NRG3: variants seen among roughly 807,000 people sequenced by gnomAD.
The protein encoded by NRG3 is pro-neuregulin-3, membrane-bound isoform.
Under a neutral mutation model 66.9 loss-of-function variants are expected in NRG3, and 31 were observed. The ratio of observed to expected loss-of-function variants is 0.46; its 90% CI spans 0.35 to 0.63. The LOEUF (loss-of-function observed/expected upper bound fraction) is 0.63, where lower values mean the gene tolerates loss of function less well. NRG3 is among the 20% of genes least tolerant of loss of function. The pLI, the probability that NRG3 is intolerant of heterozygous loss-of-function variation, is 0.00. For synonymous variants in NRG3, 393 were observed against 359.4 expected, an observed-to-expected ratio of 1.09 and a Z score of -1.06; for missense variants, 910 against 878.9, an observed-to-expected ratio of 1.04 and a Z score of -0.45.
intron 3 of NRG3, among the ~76,000 whole-genome samples, chr10:82,850,816 T>C (rs186864696): frequency 6.0e-4 from 92 of 152,242 alleles, no homozygotes; most frequent in African/African-American, 1.8e-3. Flanking sequence ...TTTTGAAATA[T>C]AGTAAGTTAA....
At chr10:82,116,192 G>C (rs889288128) in intron 1 of NRG3, among the ~76,000 whole-genome samples, 1 of 152,012 alleles carries the variant, frequency 6.6e-6, no homozygotes, top group East Asian at 1.9e-4. Context: ...GTTAGATCCA[G>C]GTGGATTTGA....
At chr10:82,001,445 G>A (rs2061163704) in intron 1 of NRG3, among the ~76,000 whole-genome samples, 1 of 152,006 alleles carries the variant, frequency 6.6e-6, no homozygotes, top group Non-Finnish European at 1.5e-5. Flanking sequence ...AGAGGCTGCA[G>A]TGAGCTGAGA....
chr10:82,577,662 A>G (rs926782535), intron 2 of NRG3, among the ~76,000 whole-genome samples: 1 of 151,716 alleles, frequency 6.6e-6, no homozygotes, highest in Non-Finnish European at 1.5e-5. Flanking sequence ...TAAACACTGA[A>G]AAATGCAAAG....
At chr10:82,421,007 G>A (rs2089024622) in intron 2 of NRG3, among the ~76,000 whole-genome samples, 1 of 152,018 alleles carries the variant, frequency 6.6e-6, no homozygotes, top group Admixed American at 6.6e-5. Context: ...TAATTACAGG[G>A]GCAGCATGAG....
At chr10:82,721,648 C>T (rs1305277446) in intron 2 of NRG3, among the ~76,000 whole-genome samples, 1 of 151,886 alleles carries the variant, frequency 6.6e-6, no homozygotes, top group Non-Finnish European at 1.5e-5. Context: ...GTCTGGAACT[C>T]CTGACCTCAG....
At chr10:82,356,311 G>T (rs895365034) in intron 1 of NRG3, among the ~76,000 whole-genome samples, 4 of 152,170 alleles carry the variant, frequency 2.6e-5, no homozygotes, top group African/African-American at 4.8e-5. Context: ...GTTAATGAAA[G>T]CTGTTCTTAG....
intron 2 of NRG3, among the ~76,000 whole-genome samples, chr10:82,684,640 G>A (rs1187344476): frequency 1.3e-5 from 2 of 152,046 alleles, no homozygotes; most frequent in African/African-American, 4.8e-5. Context: ...TAAAGAAACA[G>A]TAAAACTCTT....
At chr10:81,960,629 C>T (rs1354317603) in intron 1 of NRG3, among the ~76,000 whole-genome samples, 4 of 151,276 alleles carry the variant, frequency 2.6e-5, no homozygotes, top group Non-Finnish European at 5.9e-5. Context: ...CAAACTAATT[C>T]TGGTATCAAG....
At chr10:82,590,627 C>T (rs962422264) in intron 2 of NRG3, among the ~76,000 whole-genome samples, 1 of 152,300 alleles carries the variant, frequency 6.6e-6, no homozygotes, top group East Asian at 1.9e-4. Context: ...TATATAGATG[C>T]TGCAAAACTC....
chr10:81,914,241 A>T (rs1039463819), intron 1 of NRG3, among the ~76,000 whole-genome samples: 1 of 152,200 alleles, frequency 6.6e-6, no homozygotes, highest in Non-Finnish European at 1.5e-5. Flanking sequence ...AATTTCTTCA[A>T]TTCTTTTCAC....
chr10:81,944,080 G>A (rs1848631102), intron 1 of NRG3, among the ~76,000 whole-genome samples: 1 of 152,202 alleles, frequency 6.6e-6, no homozygotes, highest in African/African-American at 2.4e-5. Flanking sequence ...CACAGTGGAT[G>A]AGTGATTTCT....
At chr10:82,561,568 G>A (rs1045417477) in intron 2 of NRG3, among the ~76,000 whole-genome samples, 7 of 152,104 alleles carry the variant, frequency 4.6e-5, no homozygotes, top group Admixed American at 1.3e-4. Flanking sequence ...TGGGAGAATC[G>A]CTTGAGCCTG....
intron 1 of NRG3, among the ~76,000 whole-genome samples, chr10:82,026,066 T>G (rs2062290406): frequency 6.6e-6 from 1 of 152,106 alleles, no homozygotes; most frequent in Non-Finnish European, 1.5e-5. Context: ...AGGAAGAAGA[T>G]AATTTAACTC....
At chr10:82,832,397 C>T (rs1393703914) in intron 3 of NRG3, among the ~76,000 whole-genome samples, 1 of 152,098 alleles carries the variant, frequency 6.6e-6, no homozygotes, top group Non-Finnish European at 1.5e-5. Flanking sequence ...TTCCTTAAAC[C>T]CCATTGAAAA....
intron 1 of NRG3, among the ~76,000 whole-genome samples, chr10:82,223,488 T>G (rs1396360309): frequency 2.0e-5 from 3 of 152,106 alleles, no homozygotes; most frequent in African/African-American, 7.2e-5. Context: ...CCTTGGCCGC[T>G]TTTCCCCCTG....
At chr10:82,608,394 CTG>C (rs1235355482) in intron 2 of NRG3, among the ~76,000 whole-genome samples, 4 of 152,094 alleles carry the variant, frequency 2.6e-5, no homozygotes, top group African/African-American at 9.7e-5. Context: ...GTGTAGACGT[CTG>C]TGTCTTTCTT....
chr10:81,915,751 T>C (rs73304581), intron 1 of NRG3, among the ~76,000 whole-genome samples: 2,878 of 152,206 alleles, frequency 0.019, 80 homozygotes, highest in African/African-American at 0.063. Flanking sequence ...TCGATGAGAA[T>C]GCAGGTTTAT....
chr10:82,262,228 G>T lies in NRG3; in HGVS notation c.824-96511G>T, dbSNP rs577750991. Among the ~76,000 whole-genome samples the T allele has an allele frequency of 2.6e-4, 40 of 152,306 alleles. No homozygotes were observed. The South Asian group carries it at 8.3e-3, about 32-fold the overall frequency. On this transcript the variant is annotated intron_variant, in intron 1 of 8. Transcript: ENST00000372141. ...GTGAGATTTGAGTTGACTATTGAAA[G>T]GGGAGGAAGGAATAACATAAATTGT... is the stretch of plus-strand genomic sequence containing the variant.
intron 6 of NRG3, among the ~76,000 whole-genome samples, chr10:82,970,166 C>T (rs1851594182): frequency 6.6e-6 from 1 of 152,106 alleles, no homozygotes; most frequent in African/African-American, 2.4e-5. Context: ...GATAGAAATT[C>T]TAAAAGTAAT....
Sources: gnomAD v4.1 joint callset for allele counts (sites outside exome capture counted in the v4.1 genomes callset) on GRCh38, gnomAD v4.1.1 for gene constraint, MANE v1.5 for transcripts, NCBI Gene and HGNC (gene_info 2026-07-23, HGNC 2026-07-21) for gene names.